The following TJP2 variants were observed in gnomAD, a reference collection of about 807,000 sequenced individuals.
The protein encoded by TJP2 is tight junction protein 2.
TJP2 carries 91 observed loss-of-function variants against 133.1 expected under a neutral mutation model. The observed-to-expected ratio is 0.68, with a 90% confidence interval of 0.58 to 0.81. The LOEUF (loss-of-function observed/expected upper bound fraction) is 0.81. TJP2 is among the 40% of genes least tolerant of loss of function. The pLI, the probability that TJP2 is intolerant of heterozygous loss-of-function variation, is 0.00. For synonymous variants in TJP2, 592 were observed against 583.4 expected (o/e 1.01, Z -0.21); for missense variants, 1,541 against 1,565.6 (o/e 0.98, Z 0.26).
Position 69,227,883 on chromosome 9 carries a change from C to T in TJP2, c.1319+10C>T. Reference sequence around the variant, plus strand: ...TGAAGGAAAGGCCAAGGTAAGATGACATGAATATTCTCTTGTACATGTCAT... The same window carrying T: ...TGAAGGAAAGGCCAAGGTAAGATGATATGAATATTCTCTTGTACATGTCAT... On this transcript the variant is annotated intron_variant, in intron 8 of 22. Transcript: ENST00000377245. The T allele has an allele frequency of 1.1e-5, 17 of 1,612,422 alleles. No homozygotes were observed. Among genetic ancestry groups the T allele is most frequent in the Admixed American group, 1.7e-5 (1 of 60,006 alleles).
intron 22 of TJP2, 124 bp from the exon 23 acceptor site, chr9:69,254,085 A>G: frequency 8.9e-7 from 1 of 1,124,224 alleles, no homozygotes; most frequent in South Asian, 1.2e-5. Flanking sequence ...GCTCTGCAGA[A>G]TGTGGCTCAG....
intron 1 of TJP2, among the ~76,000 whole-genome samples, chr9:69,197,898 C>G (rs1354004278): frequency 6.6e-6 from 1 of 152,140 alleles, no homozygotes; most frequent in African/African-American, 2.4e-5. Context: ...GGTTTACCAG[C>G]CTGGATTTTA....
At chr9:69,208,997 T>G (rs1442464276) in intron 1 of TJP2, among the ~76,000 whole-genome samples, 1 of 152,172 alleles carries the variant, frequency 6.6e-6, no homozygotes, top group Non-Finnish European at 1.5e-5. Flanking sequence ...TAAGGTCATT[T>G]CTGGGTGGTA....
At chr9:69,202,668 C>A (rs1469409088) in intron 1 of TJP2, among the ~76,000 whole-genome samples, 1 of 151,956 alleles carries the variant, frequency 6.6e-6, no homozygotes, top group Non-Finnish European at 1.5e-5. Flanking sequence ...AGTGGATAGT[C>A]CTAAAGGACT....
chr9:69,211,263 G>T (rs142986661), intron 1 of TJP2, among the ~76,000 whole-genome samples: 28 of 152,302 alleles, frequency 1.8e-4, no homozygotes, highest in Middle Eastern at 6.8e-3. Context: ...CTTGAACCTG[G>T]GAGGCGGAGG....
intron 2 of TJP2, among the ~76,000 whole-genome samples, chr9:69,152,110 G>A (rs1393167047): frequency 6.6e-6 from 1 of 152,070 alleles, no homozygotes; most frequent in African/African-American, 2.4e-5. Context: ...GGGATTGGAG[G>A]TCATTTTAAT....
intron 1 of TJP2, among the ~76,000 whole-genome samples, chr9:69,199,789 C>T (rs954146791): frequency 5.9e-5 from 9 of 152,114 alleles, no homozygotes; most frequent in African/African-American, 1.4e-4. Flanking sequence ...GTGGAAAGCA[C>T]GCATGACATT....
At chr9:69,231,307 AG>A (rs1490858931) in intron 11 of TJP2, among the ~76,000 whole-genome samples, 1 of 152,110 alleles carries the variant, frequency 6.6e-6, no homozygotes, top group African/African-American at 2.4e-5. Context: ...CATGTTGCCC[AG>A]GCTGGTCTCG....
At chr9:69,167,649 A>G (rs77217469) in intron 2 of TJP2, among the ~76,000 whole-genome samples, 17 of 152,200 alleles carry the variant, frequency 1.1e-4, no homozygotes, top group East Asian at 5.8e-4. Flanking sequence ...AAGCAGATCA[A>G]TTGAGGCTAG....
chr9:69,174,749 G>T (rs1824938154), intron 1 of TJP2, among the ~76,000 whole-genome samples: 2 of 146,590 alleles, frequency 1.4e-5, no homozygotes, highest in Admixed American at 1.4e-4. Context: ...TGTCTGTTGT[G>T]TCGCTTGCAT....
chr9:69,150,271 A>G (rs1258253620), intron 1 of TJP2, among the ~76,000 whole-genome samples: 1 of 151,914 alleles, frequency 6.6e-6, no homozygotes, highest in Non-Finnish European at 1.5e-5. Flanking sequence ...TGTGTATTTT[A>G]CTATAATAAA....
chr9:69,205,075 C>A, intron 1 of TJP2: 2 of 1,508,128 alleles, frequency 1.3e-6, no homozygotes, highest in Non-Finnish European at 8.8e-7. Context: ...ACTATTGTAT[C>A]CGCCTTACGT....
At position 69,151,111 on chromosome 9, in the gene TJP2, G is replaced by A. The variant is rs1020990756; in HGVS notation, c.-130-540G>A. On this transcript the variant is annotated intron_variant, in intron 1 of 5. Transcript: ENST00000423935. ...GGTGGTTGCCTAGGGCCAAGAGGCAGAGAGAGAATTGGGGGCTCAGGGAAT... is the reference window on the plus strand; with the variant it reads ...GGTGGTTGCCTAGGGCCAAGAGGCAAAGAGAGAATTGGGGGCTCAGGGAAT... 3.3e-5 allele frequency among the ~76,000 whole-genome samples: 5 copies of A among 152,230 alleles called. 1 individual carries two copies. The highest frequency in any genetic ancestry group is 2.6e-4 in the Admixed American group (4 of 15,290).
At chr9:69,233,712 G>A (rs555274315) in intron 11 of TJP2, among the ~76,000 whole-genome samples, 1 of 152,230 alleles carries the variant, frequency 6.6e-6, no homozygotes, top group Non-Finnish European at 1.5e-5. Flanking sequence ...AGGAGGCGGA[G>A]GTTGCAGTGA....
chr9:69,137,501 C>T (rs1043509293), intron 1 of TJP2, among the ~76,000 whole-genome samples: 7 of 151,048 alleles, frequency 4.6e-5, no homozygotes, highest in Non-Finnish European at 7.4e-5. Flanking sequence ...TAGCTGGAAC[C>T]ACAGATGCGC....
chr9:69,241,550 GGA>G (rs1361296894), intron 17 of TJP2, among the ~76,000 whole-genome samples: 1 of 152,188 alleles, frequency 6.6e-6, no homozygotes, highest in African/African-American at 2.4e-5. Context: ...GTGGCCAAAT[GGA>G]GAGAGTTTAA....
At chr9:69,234,591 G>A in intron 12 of TJP2, 44 bp downstream of exon 12, 2 of 572,878 alleles carry the variant, frequency 3.5e-6, no homozygotes, top group South Asian at 1.5e-5. Context: ...TGGGGGTGGG[G>A]AGTGGGAAGG....
Position 69,228,040 on chromosome 9 carries a change from A to G in TJP2, c.1379A>G (p.Lys460Arg), listed in dbSNP as rs769761461. ...SRMGATPTPFKSTGDIAGTVV... is the reference protein window; with the variant it reads ...SRMGATPTPFRSTGDIAGTVV... ...ATGGGTGCGACACCCACTCCCTTTA[A>G]GTCCACAGGGGATATTGCAGGCACA... Residue 460 changes from lysine to arginine, a missense_variant, in exon 9 of 23, where the codon AAG (lysine) becomes AGG (arginine). By Grantham distance (26) the Lys-to-Arg change is conservative. Transcript: ENST00000377245. 10 of 1,614,072 alleles carry G rather than the reference A, an allele frequency of 6.2e-6. No individual in the cohort carries two copies. Among genetic ancestry groups the G allele is most frequent in the Non-Finnish European group, 8.5e-6 (10 of 1,179,998 alleles).
At chr9:69,233,015 G>A (rs924262458) in intron 11 of TJP2, among the ~76,000 whole-genome samples, 1 of 152,144 alleles carries the variant, frequency 6.6e-6, no homozygotes, top group Non-Finnish European at 1.5e-5. Flanking sequence ...AGCATGTATA[G>A]TACATGTGAA....
Sources: allele counts gnomAD v4.1 joint callset (sites outside exome capture counted in the v4.1 genomes callset), GRCh38; gene constraint gnomAD v4.1.1; transcripts MANE v1.5; gene names NCBI Gene and HGNC (gene_info 2026-07-23, HGNC 2026-07-21).